The following LIFR variants were observed in gnomAD, a reference collection of about 807,000 sequenced individuals.
LIFR encodes LIF receptor subunit alpha.
In LIFR, 84 loss-of-function variants were observed where a neutral mutation model predicts 122.2. The ratio of observed to expected loss-of-function variants is 0.69; its 90% CI spans 0.58 to 0.82. The LOEUF (loss-of-function observed/expected upper bound fraction) is 0.82. Ranked by LOEUF, LIFR falls within the 40% of genes least tolerant of loss-of-function variation. LIFR has a pLI of 0.00. For missense variants in LIFR, 1,294 were observed against 1,311.6 expected (o/e 0.99, Z 0.21); for synonymous variants, 422 against 434.7 (o/e 0.97, Z 0.36).
intron 1 of LIFR, among the ~76,000 whole-genome samples, chr5:38,568,535 T>G (rs575849613): frequency 2.0e-5 from 3 of 152,028 alleles, no homozygotes; most frequent in Non-Finnish European, 4.4e-5. Context: ...ATGGCAAGAT[T>G]TGGAGCATGA....
At chr5:38,497,662 T>C (rs1744955520) in intron 12 of LIFR, among the ~76,000 whole-genome samples, 1 of 152,146 alleles carries the variant, frequency 6.6e-6, no homozygotes, top group African/African-American at 2.4e-5. Context: ...ACCTCTTAAG[T>C]ATTCTTTCAT....
intron 18 of LIFR, among the ~76,000 whole-genome samples, 157 bp downstream of exon 18, chr5:38,484,618 C>G (rs1302974944): frequency 6.6e-6 from 1 of 152,096 alleles, no homozygotes; most frequent in Admixed American, 6.5e-5. Flanking sequence ...ATGTCATGTT[C>G]TTAATATTAA....
chr5:38,495,833 A>G (rs1744847302), intron 13 of LIFR, among the ~76,000 whole-genome samples: 1 of 152,230 alleles, frequency 6.6e-6, no homozygotes, highest in South Asian at 2.1e-4. Flanking sequence ...GAAAGGCACT[A>G]AATTTTAAAA....
chr5:38,485,738 G>C (rs923437625), intron 17 of LIFR, 81 bp downstream of exon 17: 1 of 1,488,008 alleles, frequency 6.7e-7, no homozygotes, highest in Non-Finnish European at 9.4e-7. Context: ...AGGGCGGGGA[G>C]GGGTTCCTAC....
intron 7 of LIFR, among the ~76,000 whole-genome samples, chr5:38,507,304 CTG>C (rs2112477422): frequency 6.6e-6 from 1 of 151,204 alleles, no homozygotes; most frequent in East Asian, 1.9e-4. Flanking sequence ...TGGCTCACAT[CTG>C]TAATCCCAGC....
chr5:38,547,749 T>G (rs1363161115), intron 1 of LIFR, among the ~76,000 whole-genome samples: 2 of 152,290 alleles, frequency 1.3e-5, no homozygotes, highest in Middle Eastern at 3.4e-3. Context: ...TGCTAGGCAA[T>G]TTTGTTGTTG....
chr5:38,523,392 AG>A, intron 5 of LIFR, 26 bp downstream of exon 5: 1 of 1,584,302 alleles, frequency 6.3e-7, no homozygotes, highest in Non-Finnish European at 8.6e-7. Context: ...TTAATGTCAT[AG>A]GAAGAAAATC....
rs962614123 is a variant in LIFR at position 38,527,522 on chromosome 5, T to C, written c.258-228A>G. Among the ~76,000 whole-genome samples, 7 of 152,296 alleles carry C rather than the reference T, an allele frequency of 4.6e-5. No homozygotes were observed. In the South Asian group the frequency reaches 1.2e-3, roughly 27 times the overall value. ...GTACCAAAAGTAGAATAAGCATAGATGACTCCAAACAGCTGGAGTTTTTGC... is the reference window on the plus strand; with the variant it reads ...GTACCAAAAGTAGAATAAGCATAGACGACTCCAAACAGCTGGAGTTTTTGC... On this transcript the variant is annotated intron_variant, in intron 3 of 19. Coordinates refer to ENST00000453190, the MANE Select transcript of LIFR (RefSeq NM_001127671.2).
chr5:38,606,476 AG>A (rs1468512953), intron 1 of LIFR, among the ~76,000 whole-genome samples: 1 of 152,156 alleles, frequency 6.6e-6, no homozygotes, highest in Admixed American at 6.5e-5. Flanking sequence ...CTCCAGCATT[AG>A]GGATTATAAT....
At chr5:38,519,755 A>G (rs1486140107) in intron 5 of LIFR, among the ~76,000 whole-genome samples, 1 of 152,202 alleles carries the variant, frequency 6.6e-6, no homozygotes, top group African/African-American at 2.4e-5. Context: ...TATTTCGCTT[A>G]GCGTAGTGGC....
intron 5 of LIFR, among the ~76,000 whole-genome samples, chr5:38,517,762 C>G (rs895975666): frequency 3.5e-5 from 5 of 140,970 alleles, no homozygotes; most frequent in Non-Finnish European, 6.0e-5. Flanking sequence ...GAGGCTGAAG[C>G]AAGAGAATAG....
At position 38,485,804 on chromosome 5, in the gene LIFR, C is replaced by T. The variant is rs1259859453; in HGVS notation, c.2497+15G>A. ...TGCAGGATGGAAAGCACCTCAACAG[C>T]AACCTGAAACTTACAATTTTCCTTT... On this transcript the variant is annotated intron_variant, in intron 17 of 19. Coordinates refer to ENST00000453190, the MANE Select transcript of LIFR (RefSeq NM_001127671.2). 1 of 1,613,966 alleles carries T rather than the reference C, an allele frequency of 6.2e-7. No individual in the cohort carries two copies. The highest frequency in any genetic ancestry group is 1.7e-5 in the Admixed American group (1 of 60,006).
rs547510296 is a variant in LIFR at position 38,571,269 on chromosome 5, C to T, written c.-20+23992G>A. Among the ~76,000 whole-genome samples the T allele has an allele frequency of 1.5e-3, 222 of 152,202 alleles. 2 individuals carry two copies. Among genetic ancestry groups the T allele is most frequent in the Non-Finnish European group, 2.6e-3 (180 of 67,972 alleles). On this transcript the variant is annotated intron_variant, in intron 1 of 19. Transcript: ENST00000263409. The stretch of plus-strand genomic sequence containing the variant: ...AAACGAACAAATAGTATGCACTAGT[C>T]GGCTGGGCACAGTGGCTCATGCCTG...
intron 5 of LIFR, among the ~76,000 whole-genome samples, chr5:38,519,073 CA>C (rs1402084869): frequency 2.0e-5 from 3 of 152,042 alleles, no homozygotes; most frequent in Non-Finnish European, 2.9e-5. Context: ...AGTGTTAATA[CA>C]AAAGAGTCAA....
chr5:38,528,877 C>G (rs1342189438), intron 2 of LIFR, 37 bp from the exon 3 acceptor site: 3 of 393,232 alleles, frequency 7.6e-6, no homozygotes, highest in South Asian at 4.3e-5. Flanking sequence ...CACACACACA[C>G]AGACACACAT....
intron 4 of LIFR, among the ~76,000 whole-genome samples, chr5:38,524,732 T>G (rs572491998): frequency 6.6e-6 from 1 of 152,092 alleles, no homozygotes; most frequent in African/African-American, 2.4e-5. Context: ...TGATTGAGTG[T>G]AGTGGTAGAA....
In LIFR at chr5:38,479,068, A is replaced by C. The variant is rs976175859; in HGVS notation, c.*2527T>G. ...ATCTCAGACAACTGAACATGTGACC[A>C]ATCTCCTTCCAACTTCCCTCCCCTC... On this transcript the variant is annotated 3_prime_UTR_variant, in exon 20 of 20. Coordinates refer to ENST00000453190, the MANE Select transcript of LIFR (RefSeq NM_001127671.2). The C allele has an allele frequency of 8.6e-6, 2 of 231,834 alleles. No homozygotes were observed. The highest frequency in any genetic ancestry group is 1.7e-5 in the Non-Finnish European group (2 of 117,270). 14.4% of individuals were successfully genotyped at this position (231,834 alleles called of 1,614,324 possible). A position where few individuals can be genotyped will look rare whatever the true frequency, so the allele number is the denominator to read the frequency against.
At chr5:38,495,235 T>C (rs781571746) in intron 13 of LIFR, among the ~76,000 whole-genome samples, 5 of 152,210 alleles carry the variant, frequency 3.3e-5, no homozygotes, top group Non-Finnish European at 7.3e-5. Context: ...AAGGTAGGAT[T>C]ATGTTTCCTG....
chr5:38,518,187 A>G (rs1746207683), intron 5 of LIFR, among the ~76,000 whole-genome samples: 1 of 152,012 alleles, frequency 6.6e-6, no homozygotes, highest in South Asian at 2.1e-4. Context: ...AGGTTCGAGT[A>G]GGATACGTGA....
Sources: allele counts gnomAD v4.1 joint callset (sites outside exome capture counted in the v4.1 genomes callset), GRCh38; gene constraint gnomAD v4.1.1; transcripts MANE v1.5; gene names NCBI Gene and HGNC (gene_info 2026-07-23, HGNC 2026-07-21).